Variants in SLC39A10 observed in about 807,000 individuals in gnomAD.
The protein encoded by SLC39A10 is zinc transporter ZIP10.
A neutral mutation model predicts 65.1 loss-of-function variants in SLC39A10; 13 were observed. The ratio of observed to expected loss-of-function variants is 0.20; its 90% CI spans 0.13 to 0.32. The LOEUF is 0.32. SLC39A10 is among the 10% of genes least tolerant of loss of function. The pLI is 1.00. For missense variants in SLC39A10, 831 were observed against 1,018.4 expected, an observed-to-expected ratio of 0.82 and a Z score of 2.50; for synonymous variants, 321 against 342.2, an observed-to-expected ratio of 0.94 and a Z score of 0.68.
intron 1 of SLC39A10, chr2:195,674,667 T>C: frequency 1.0e-6 from 1 of 982,328 alleles, no homozygotes; most frequent in Non-Finnish European, 1.2e-6. Context: ...GTCATATGCA[T>C]TGCTTAATGC....
At chr2:195,616,894 C>A (rs1688226667) in intron 2 of SLC39A10, among the ~76,000 whole-genome samples, 1 of 151,884 alleles carries the variant, frequency 6.6e-6, no homozygotes, top group African/African-American at 2.4e-5. Context: ...GGAGCCACCG[C>A]CCCCGGCCCG....
intron 1 of SLC39A10, among the ~76,000 whole-genome samples, chr2:195,662,107 T>A (rs1035720240): frequency 1.3e-5 from 2 of 152,220 alleles, no homozygotes; most frequent in African/African-American, 4.8e-5. Flanking sequence ...AGTATTGTTA[T>A]AAGAACTGTG....
intron 9 of SLC39A10, among the ~76,000 whole-genome samples, chr2:195,734,648 T>C (rs1692530509): frequency 6.6e-6 from 1 of 152,036 alleles, no homozygotes; most frequent in African/African-American, 2.4e-5. Context: ...ATTTTAAGTG[T>C]TTGTTGTGGG....
intron 3 of SLC39A10, among the ~76,000 whole-genome samples, chr2:195,699,181 C>T (rs910528054): frequency 1.3e-5 from 2 of 151,890 alleles, no homozygotes; most frequent in African/African-American, 4.8e-5. Flanking sequence ...TTTGTATCTT[C>T]TCTCTTTTTC....
rs1340470696 is a variant in SLC39A10, at chr2:195,706,741, G to A, written c.1342G>A (p.Val448Ile). 2 of 1,599,006 alleles carry A rather than the reference G, an allele frequency of 1.3e-6. No individual in the cohort carries two copies. The highest frequency in any genetic ancestry group is 8.5e-7 in the Non-Finnish European group (1 of 1,173,548). Residue 448 changes from valine (V) to isoleucine (I), a missense_variant, in exon 4 of 10, where the codon GTA becomes ATA. Transcript: ENST00000359634. ...TCTTACATTCCTTGTTGCATTAGCTGTAGGAACAATGAGTGGAGACGCCCT... is the reference window on the plus strand; with the variant it reads ...TCTTACATTCCTTGTTGCATTAGCTATAGGAACAATGAGTGGAGACGCCCT... ...FLLTFLVALA[V>I]GTMSGDALLH... is the part of the protein sequence containing the mutation.
intron 7 of SLC39A10, among the ~76,000 whole-genome samples, chr2:195,717,711 G>C (rs1691872041): frequency 6.6e-6 from 1 of 152,052 alleles, no homozygotes; most frequent in Non-Finnish European, 1.5e-5. Context: ...TGAGCCACCT[G>C]CTCAGCCTAT....
intron 1 of SLC39A10, among the ~76,000 whole-genome samples, chr2:195,668,222 C>G (rs1197509895): frequency 1.3e-5 from 2 of 152,122 alleles, no homozygotes; most frequent in African/African-American, 4.8e-5. Flanking sequence ...TTTGATAAAG[C>G]CATTCAGTCA....
At chr2:195,720,715 T>A (rs1229399014) in intron 8 of SLC39A10, among the ~76,000 whole-genome samples, 1 of 152,232 alleles carries the variant, frequency 6.6e-6, no homozygotes, top group East Asian at 1.9e-4. Context: ...CCTTGCCAAC[T>A]TCAGACACAT....
At chr2:195,637,874 C>A (rs1265696952) in intron 2 of SLC39A10, among the ~76,000 whole-genome samples, 6 of 152,148 alleles carry the variant, frequency 3.9e-5, no homozygotes, top group Non-Finnish European at 8.8e-5. Flanking sequence ...GTTGAGATTT[C>A]TTTCCCCATG....
intron 1 of SLC39A10, among the ~76,000 whole-genome samples, chr2:195,669,134 A>G (rs1169185375): frequency 6.6e-6 from 1 of 151,440 alleles, no homozygotes; most frequent in Non-Finnish European, 1.5e-5. Context: ...AACTAGGATT[A>G]TTTTAGTATT....
chr2:195,713,693 G>C (rs776905369), intron 6 of SLC39A10, 140 bp downstream of exon 6: 12 of 1,059,306 alleles, frequency 1.1e-5, no homozygotes, highest in Non-Finnish European at 1.6e-5. Context: ...AGCAGAAAAG[G>C]TGTTACCCTC....
In SLC39A10 at chr2:195,737,300, TGGA is replaced by T. The variant is rs1393945207; in HGVS notation, c.*2262_*2264del. 4 of 152,808 alleles carry T rather than the reference TGGA, an allele frequency of 2.6e-5. No individual in the cohort carries two copies. The highest frequency in any genetic ancestry group is 5.9e-5 in the Non-Finnish European group (4 of 68,190). The allele number at this position is 152,808 out of a possible 1,614,324, so 9.5% of individuals were successfully genotyped here. On this transcript the variant is annotated 3_prime_UTR_variant, in exon 10 of 10. Coordinates refer to ENST00000359634, the MANE Select transcript of SLC39A10 (RefSeq NM_020342.3). ...CCAGTCTAATTTAAAATGTGTTTGTTGGAGGTCATTAACGTTACTTGTACAATG... is the reference window on the plus strand; with the variant it reads ...CCAGTCTAATTTAAAATGTGTTTGTTGGTCATTAACGTTACTTGTACAATG...
At chr2:195,659,591 A>G (rs1284170634) in intron 1 of SLC39A10, among the ~76,000 whole-genome samples, 1 of 152,178 alleles carries the variant, frequency 6.6e-6, no homozygotes. Flanking sequence ...GTTGACCAAT[A>G]CTGGAAAAAA....
intron 1 of SLC39A10, among the ~76,000 whole-genome samples, chr2:195,664,583 A>G (rs1488598799): frequency 1.3e-5 from 2 of 152,166 alleles, no homozygotes; most frequent in Non-Finnish European, 2.9e-5. Flanking sequence ...GTAAAAGCTC[A>G]TATATGTTGG....
At chr2:195,695,947 T>G (rs1297366831) in intron 3 of SLC39A10, among the ~76,000 whole-genome samples, 1 of 152,256 alleles carries the variant, frequency 6.6e-6, no homozygotes, top group African/African-American at 2.4e-5. Context: ...TGATTCATTT[T>G]GAATTAATTT....
Position 195,728,133 on chromosome 2 carries a change from A to G in SLC39A10, c.2147-26A>G, listed in dbSNP as rs760206997. The G allele has an allele frequency of 2.6e-5, 41 of 1,587,082 alleles. No homozygotes were observed. The highest frequency in any genetic ancestry group is 1.7e-4 in the Middle Eastern group (1 of 5,982). On this transcript the variant is annotated intron_variant, in intron 8 of 9. Transcript: ENST00000359634. The surrounding 1 kb of genome is among the most constrained non-coding windows in gnomAD (Gnocchi z 4.4). ...GTGTTTTAAATCCTGTGGTTTTAAA[A>G]CATTCCCATTGTTTCTTAATTGCAG...
intron 3 of SLC39A10, among the ~76,000 whole-genome samples, chr2:195,702,576 T>C (rs1691234100): frequency 6.6e-6 from 1 of 152,250 alleles, no homozygotes; most frequent in African/African-American, 2.4e-5. Context: ...CTCCACAGTC[T>C]TTCCAGAATC....
chr2:195,689,415 C>G (rs953856440), intron 3 of SLC39A10, among the ~76,000 whole-genome samples: 1 of 151,248 alleles, frequency 6.6e-6, no homozygotes, highest in Non-Finnish European at 1.5e-5. Flanking sequence ...AAGTGAGAAC[C>G]TGTCTCAAAA....
intron 1 of SLC39A10, among the ~76,000 whole-genome samples, chr2:195,664,730 T>G (rs1689568631): frequency 6.6e-6 from 1 of 152,204 alleles, no homozygotes. Flanking sequence ...ATAACCAAGC[T>G]TAATTTCTCT....
Sources: gnomAD v4.1 joint callset for allele counts (sites outside exome capture counted in the v4.1 genomes callset) on GRCh38, gnomAD v4.1.1 for gene constraint, Gnocchi (gnomAD v3.1) non-coding constraint, MANE v1.5 for transcripts, NCBI Gene and HGNC (gene_info 2026-07-23, HGNC 2026-07-21) for gene names.